The following CDKAL1 variants were observed in gnomAD, a reference collection of about 807,000 sequenced individuals.
CDKAL1 encodes the protein threonylcarbamoyladenosine tRNA methylthiotransferase.
CDKAL1 carries 32 observed loss-of-function variants against 68.2 expected under a neutral mutation model. That is an observed-to-expected ratio of 0.47 (90% CI 0.35 to 0.63). The LOEUF is 0.63. Ranked by LOEUF, CDKAL1 falls within the 30% of genes least tolerant of loss-of-function variation. CDKAL1 has a pLI of 0.00. For missense variants in CDKAL1, 606 were observed against 696.7 expected, an observed-to-expected ratio of 0.87 and a Z score of 1.47; for synonymous variants, 234 against 244.3, an observed-to-expected ratio of 0.96 and a Z score of 0.39.
chr6:20,553,384 C>T (rs925958115), intron 4 of CDKAL1, among the ~76,000 whole-genome samples: 2 of 151,998 alleles, frequency 1.3e-5, no homozygotes, highest in African/African-American at 4.8e-5. Flanking sequence ...TGGCACACAC[C>T]TGTAATCCCA....
At chr6:20,901,742 G>C (rs978764674) in intron 9 of CDKAL1, among the ~76,000 whole-genome samples, 2 of 149,158 alleles carry the variant, frequency 1.3e-5, no homozygotes, top group African/African-American at 2.5e-5. Context: ...CAGAAACTGG[G>C]TTCTTCTCTT....
At chr6:21,218,003 G>A (rs1354540917) in intron 15 of CDKAL1, among the ~76,000 whole-genome samples, 1 of 152,174 alleles carries the variant, frequency 6.6e-6, no homozygotes, top group African/African-American at 2.4e-5. Context: ...AACCTCTCTG[G>A]TTAGAAGTTT....
At chr6:20,734,163 AAAG>A (rs1156498738) in intron 5 of CDKAL1, among the ~76,000 whole-genome samples, 2 of 150,256 alleles carry the variant, frequency 1.3e-5, no homozygotes, top group Admixed American at 6.6e-5. Context: ...AAAAAAAAAA[AAAG>A]AAAGAAAGAA....
At chr6:21,127,780 G>A (rs1041776360) in intron 13 of CDKAL1, among the ~76,000 whole-genome samples, 4 of 152,060 alleles carry the variant, frequency 2.6e-5, no homozygotes, top group African/African-American at 9.7e-5. Flanking sequence ...GAGAGAGGGA[G>A]GAAAGAGGAA....
intron 12 of CDKAL1, among the ~76,000 whole-genome samples, chr6:21,073,550 G>A (rs994253379): frequency 1.3e-5 from 2 of 152,204 alleles, no homozygotes; most frequent in Non-Finnish European, 2.9e-5. Context: ...TGTAACAGGT[G>A]TGTAATGGTA....
chr6:21,202,405 A>G (rs1470183381), intron 15 of CDKAL1, among the ~76,000 whole-genome samples: 1 of 152,214 alleles, frequency 6.6e-6, no homozygotes, highest in African/African-American at 2.4e-5. Flanking sequence ...TTAAAAAAAA[A>G]AAAATTGTAC....
intron 13 of CDKAL1, among the ~76,000 whole-genome samples, chr6:21,118,955 G>C (rs1015560288): frequency 4.6e-5 from 7 of 152,160 alleles, no homozygotes; most frequent in Non-Finnish European, 8.8e-5. Context: ...GGCTTTGCGG[G>C]TGGCAGTGGA....
At chr6:21,224,913 T>TAAGA (rs1045806706) in intron 15 of CDKAL1, among the ~76,000 whole-genome samples, 1 of 152,204 alleles carries the variant, frequency 6.6e-6, no homozygotes, top group African/African-American at 2.4e-5. Context: ...ATAAGAAATG[T>TAAGA]AAGAATAGGT....
intron 10 of CDKAL1, among the ~76,000 whole-genome samples, chr6:20,964,589 C>T (rs1041820031): frequency 3.3e-5 from 5 of 152,092 alleles, no homozygotes; most frequent in African/African-American, 1.2e-4. Flanking sequence ...TAAGTGGGAG[C>T]TGAATGGTGA....
At chr6:20,565,065 C>T (rs1307168935) in intron 4 of CDKAL1, among the ~76,000 whole-genome samples, 1 of 151,984 alleles carries the variant, frequency 6.6e-6, no homozygotes, top group African/African-American at 2.4e-5. Context: ...TTTATACAGC[C>T]TATTACATCC....
chr6:20,774,350 G>A (rs922592842), intron 7 of CDKAL1, among the ~76,000 whole-genome samples: 1 of 152,206 alleles, frequency 6.6e-6, no homozygotes, highest in Non-Finnish European at 1.5e-5. Flanking sequence ...GTGTGTAGGA[G>A]CGTAATTTAG....
At chr6:20,905,892 C>A (rs183468586) in intron 9 of CDKAL1, among the ~76,000 whole-genome samples, 1 of 152,180 alleles carries the variant, frequency 6.6e-6, no homozygotes, top group African/African-American at 2.4e-5. Context: ...AAGACATTCT[C>A]GGTAAACAAA....
At chr6:21,166,986 C>T (rs1316180660) in intron 13 of CDKAL1, among the ~76,000 whole-genome samples, 6 of 152,222 alleles carry the variant, frequency 3.9e-5, no homozygotes, top group Admixed American at 2.6e-4. Context: ...GAGTATGTCA[C>T]TTAACCTCTG....
chr6:21,052,056 C>T (rs1052980962), intron 11 of CDKAL1, among the ~76,000 whole-genome samples: 2 of 152,128 alleles, frequency 1.3e-5, no homozygotes, highest in Non-Finnish European at 2.9e-5. Context: ...CAGCCCTCAT[C>T]TAAATGTTTT....
At chr6:20,806,510 G>A (rs1480590683) in intron 8 of CDKAL1, among the ~76,000 whole-genome samples, 1 of 152,142 alleles carries the variant, frequency 6.6e-6, no homozygotes, top group Non-Finnish European at 1.5e-5. Flanking sequence ...TTTCTGGGCT[G>A]AATGGTAGTT....
At chr6:20,918,992 G>A (rs1248958540) in intron 9 of CDKAL1, among the ~76,000 whole-genome samples, 2 of 152,200 alleles carry the variant, frequency 1.3e-5, no homozygotes, top group Non-Finnish European at 2.9e-5. Context: ...CTACAGAAGA[G>A]GTTCTGATTA....
chr6:20,648,085 A>T (rs1289642042), intron 4 of CDKAL1, among the ~76,000 whole-genome samples: 3 of 151,362 alleles, frequency 2.0e-5, no homozygotes, highest in African/African-American at 7.3e-5. Context: ...AAAAAAAAAA[A>T]AAATATTTTT....
chr6:20,961,761 C>T (rs1374874673), intron 10 of CDKAL1, among the ~76,000 whole-genome samples: 4 of 147,084 alleles, frequency 2.7e-5, no homozygotes, highest in Admixed American at 6.8e-5. Context: ...AGCAAGACTC[C>T]GTCTCAAAAA....
chr6:20,855,396 T>C (rs113131372), intron 9 of CDKAL1, among the ~76,000 whole-genome samples: 1,595 of 118,736 alleles, frequency 0.013, 20 homozygotes, highest in African/African-American at 0.049. Context: ...GGAGCCAAGA[T>C]AGCACCATGG....
Sources: allele counts gnomAD v4.1 joint callset (sites outside exome capture counted in the v4.1 genomes callset), GRCh38; gene constraint gnomAD v4.1.1; transcripts MANE v1.5; gene names NCBI Gene and HGNC (gene_info 2026-07-23, HGNC 2026-07-21).